SLC6A3: variants seen among roughly 807,000 people sequenced by gnomAD.
SLC6A3 encodes sodium-dependent dopamine transporter.
SLC6A3 carries 19 observed loss-of-function variants against 70.4 expected under a neutral mutation model. The observed-to-expected ratio is 0.27, with a 90% CI of 0.19 to 0.40. SLC6A3 has a LOEUF of 0.40. Among genes scored for constraint, SLC6A3 ranks in the 10% least tolerant of loss-of-function variants. The pLI is 1.00. For synonymous variants in SLC6A3, 368 were observed against 356.6 expected (o/e 1.03, Z -0.36); for missense variants, 613 against 838.5 (o/e 0.73, Z 3.32).
Position 1,435,229 on chromosome 5 carries a change from C to T in SLC6A3, c.419-2531G>A, listed in dbSNP as rs114409407. Among the ~76,000 whole-genome samples, 695 of 152,376 alleles carry T rather than the reference C, an allele frequency of 4.6e-3. 1 individual carries two copies. The highest frequency in any genetic ancestry group is 0.016 in the African/African-American group (670 of 41,590). On this transcript the variant is annotated intron_variant, in intron 3 of 14. Coordinates refer to ENST00000270349, the MANE Select transcript of SLC6A3 (RefSeq NM_001044.5). ...AGGCTGGGTTGTGATCCACAGTGAA[C>T]TCACCCAGGCAGCCAGGTTGGGAGC...
rs1477902264 is a variant in SLC6A3 at position 1,402,689 on chromosome 5, T to G, written c.1767+233A>C. Among the ~76,000 whole-genome samples the G allele has an allele frequency of 6.6e-6, 1 of 151,978 alleles. No individual in the cohort carries two copies. The highest frequency in any genetic ancestry group is 1.9e-4 in the East Asian group (1 of 5,180). On this transcript the variant is annotated intron_variant, in intron 13 of 14. Transcript: ENST00000270349. The surrounding 1 kb of genome is among the most constrained non-coding windows in gnomAD (Gnocchi z 8.5). ...GCACACACAGACACACACAGACATG[T>G]GGACATACTTAAAGACACACACATG...
intron 11 of SLC6A3, among the ~76,000 whole-genome samples, chr5:1,407,928 G>A (rs1299414770): frequency 2.0e-5 from 3 of 152,280 alleles, no homozygotes; most frequent in East Asian, 3.9e-4. Flanking sequence ...TTGTTTGCAG[G>A]TGAGCTGGGC....
At chr5:1,414,488 GGGTCA>G (rs1756221050) in intron 8 of SLC6A3, among the ~76,000 whole-genome samples, 198 bp downstream of exon 8, 5 of 141,796 alleles carry the variant, frequency 3.5e-5, no homozygotes, top group Admixed American at 6.8e-5. Context: ...GGGGCCTGGA[GGGTCA>G]GGGCGGGGAA....
rs186136714 is a variant in SLC6A3 at position 1,424,299 on chromosome 5, T to G, written c.654-2285A>C. Reference sequence around the variant, plus strand: ...TGGTGGAGGTCACGCCTGCCCTTCCTGGGGCAGTGGGGACTCCCAGGGCCT... The same window carrying G: ...TGGTGGAGGTCACGCCTGCCCTTCCGGGGGCAGTGGGGACTCCCAGGGCCT... On this transcript the variant is annotated intron_variant, in intron 4 of 14. Transcript: ENST00000270349. Among the ~76,000 whole-genome samples the G allele has an allele frequency of 3.9e-3, 588 of 152,318 alleles. 7 individuals carry two copies. The highest frequency in any genetic ancestry group is 0.013 in the African/African-American group (546 of 41,560).
In SLC6A3 at chr5:1,394,864, C is replaced by T. The variant is rs1755677492; in HGVS notation, c.1840-106G>A. The T allele has an allele frequency of 8.0e-7, 1 of 1,253,652 alleles. No individual in the cohort carries two copies. 77.7% of individuals were successfully genotyped at this position (1,253,652 alleles called of 1,614,324 possible). A position where few individuals can be genotyped will look rare whatever the true frequency, so the allele number is the denominator to read the frequency against. On this transcript the variant is annotated intron_variant, in intron 14 of 14. Coordinates refer to ENST00000270349, the MANE Select transcript of SLC6A3 (RefSeq NM_001044.5). This position sits in a 1 kb window ranked among gnomAD's most constrained non-coding sequence, Gnocchi z 4.7. ...AAGGCAGTGAGCAGACAGTTTGCAG[C>T]CTCCTGGCCATGTGCCCTGGGAGAA... is the stretch of plus-strand genomic sequence containing the variant.
At chr5:1,440,836 C>T (rs368684097) in intron 3 of SLC6A3, among the ~76,000 whole-genome samples, 1 of 152,212 alleles carries the variant, frequency 6.6e-6, no homozygotes, top group African/African-American at 2.4e-5. Context: ...GGACTTCCAG[C>T]CTCCAGAGCT....
At chr5:1,398,532 A>G (rs1169482590) in intron 14 of SLC6A3, among the ~76,000 whole-genome samples, 3 of 152,212 alleles carry the variant, frequency 2.0e-5, no homozygotes, top group Non-Finnish European at 4.4e-5. Context: ...TCAAGTTCAA[A>G]TATATCAATA....
intron 4 of SLC6A3, among the ~76,000 whole-genome samples, chr5:1,422,436 C>T (rs1756465598): frequency 7.0e-6 from 1 of 143,318 alleles, no homozygotes; most frequent in Admixed American, 7.0e-5. Flanking sequence ...TGCTGGGTAC[C>T]CACCGCTGCC....
chr5:1,423,096 G>A (rs1158176912), intron 4 of SLC6A3, among the ~76,000 whole-genome samples: 1 of 83,282 alleles, frequency 1.2e-5, no homozygotes. Context: ...TGCTGCCCAC[G>A]CTGCTGGGTA....
chr5:1,410,503 C>T (rs1756090503), intron 9 of SLC6A3, among the ~76,000 whole-genome samples: 1 of 151,894 alleles, frequency 6.6e-6, no homozygotes, highest in Non-Finnish European at 1.5e-5. Context: ...AAGCAGCTGA[C>T]AGGGAAGAAG....
chr5:1,409,663 C>G, intron 10 of SLC6A3, 58 bp downstream of exon 10: 2 of 1,607,478 alleles, frequency 1.2e-6, no homozygotes, highest in South Asian at 1.1e-5. Flanking sequence ...CAGGGCGCCC[C>G]GTGCCACGTG....
In SLC6A3 at chr5:1,444,146, G is replaced by A. The variant is rs28382216; in HGVS notation, c.-45-904C>T. 7.2e-5 allele frequency among the ~76,000 whole-genome samples: 11 copies of A among 152,256 alleles called. No homozygotes were observed. The South Asian group carries it at 1.0e-3, about 14-fold the overall frequency. ...CACCTAGGGCAGGTGGCACCACCCCGCGTGAGAGAGCTGGGCGGAGGATGG... is the reference window on the plus strand; with the variant it reads ...CACCTAGGGCAGGTGGCACCACCCCACGTGAGAGAGCTGGGCGGAGGATGG... On this transcript the variant is annotated intron_variant, in intron 1 of 14. Coordinates refer to ENST00000270349, the MANE Select transcript of SLC6A3 (RefSeq NM_001044.5).
At chr5:1,399,505 CAA>C (rs1229792114) in intron 14 of SLC6A3, among the ~76,000 whole-genome samples, 1 of 152,202 alleles carries the variant, frequency 6.6e-6, no homozygotes, top group Non-Finnish European at 1.5e-5. Context: ...GGAAGCACAG[CAA>C]GAATCTCACA....
intron 1 of SLC6A3, among the ~76,000 whole-genome samples, chr5:1,443,462 G>C (rs144397066): frequency 6.6e-6 from 1 of 152,140 alleles, no homozygotes; most frequent in East Asian, 1.9e-4. Context: ...GCCCATGGAG[G>C]CCTCAAGACA....
intron 7 of SLC6A3, among the ~76,000 whole-genome samples, chr5:1,415,712 CAG>C (rs1337944106): frequency 1.3e-5 from 2 of 152,052 alleles, no homozygotes; most frequent in Admixed American, 1.3e-4. Flanking sequence ...GGGACACACT[CAG>C]GGGGTTGTGA....
rs766475774 is a variant in SLC6A3, at chr5:1,432,628, C to T, written c.489G>A (p.Ala163=). The T allele has an allele frequency of 8.7e-6, 14 of 1,614,064 alleles. No individual in the cohort carries two copies. Among genetic ancestry groups the T allele is most frequent in the Middle Eastern group, 1.6e-4 (1 of 6,084 alleles). ...TGAAGGAGGAGAAGAGATAGTGCAG[C>T]GCCCAGGCGATGATGACGTTGTAGA... The part of the protein sequence containing the change: ...GFFYNVIIAW[A]LHYLFSSFTT... The change falls in exon 4 of 15, where the codon GCG becomes GCA. Residue 163 remains alanine, a synonymous_variant. Transcript: ENST00000270349.
At position 1,413,733 on chromosome 5, in the gene SLC6A3, G is replaced by A. The variant is rs554840026; in HGVS notation, c.1156+958C>T. Among the ~76,000 whole-genome samples the A allele has an allele frequency of 1.4e-3, 210 of 152,234 alleles. 4 individuals carry two copies. The highest frequency in any genetic ancestry group is 0.012 in the South Asian group (57 of 4,810). On this transcript the variant is annotated intron_variant, in intron 8 of 14. Coordinates refer to ENST00000270349, the MANE Select transcript of SLC6A3 (RefSeq NM_001044.5). The surrounding 1 kb of genome is among the most constrained non-coding windows in gnomAD (Gnocchi z 7.1). ...TGGCAGAGCAGGCCGGGAGGCAGGC[G>A]GGGGCTCTGCTGGCTGACAGAGACC...
chr5:1,417,263 T>C (rs1240107733), intron 6 of SLC6A3, among the ~76,000 whole-genome samples: 1 of 150,954 alleles, frequency 6.6e-6, no homozygotes, highest in African/African-American at 2.4e-5. Context: ...CAGAACAACA[T>C]AAACTCATCC....
Position 1,414,779 on chromosome 5 carries a change from C to T in SLC6A3, c.1068G>A (p.Thr356=), listed in dbSNP as rs562538093. The change falls in exon 8 of 15, where the codon ACG becomes ACA. Residue 356 remains threonine (T), a synonymous_variant. Coordinates refer to ENST00000270349, the MANE Select transcript of SLC6A3 (RefSeq NM_001044.5). The part of the protein sequence containing the change: ...AIVTTSINSL[T]SFSSGFVVFS... ...AGACGACGAAGCCGGAGGAGAAGCTCGTCAGGGAGTTGATGGAGGTGGTGA... is the reference window on the plus strand; with the variant it reads ...AGACGACGAAGCCGGAGGAGAAGCTTGTCAGGGAGTTGATGGAGGTGGTGA... 85 of 1,612,836 alleles carry T rather than the reference C, an allele frequency of 5.3e-5. No individual in the cohort carries two copies. Among genetic ancestry groups the T allele is most frequent in the East Asian group, 1.6e-4 (7 of 44,876 alleles).
Sources: gnomAD v4.1 joint callset for allele counts (sites outside exome capture counted in the v4.1 genomes callset) on GRCh38, gnomAD v4.1.1 for gene constraint, Gnocchi (gnomAD v3.1) non-coding constraint, MANE v1.5 for transcripts, NCBI Gene and HGNC (gene_info 2026-07-23, HGNC 2026-07-21) for gene names.